KCNQ3: variants seen among roughly 807,000 people sequenced by gnomAD.
The protein encoded by KCNQ3 is potassium voltage-gated channel subfamily KQT member 3.
In KCNQ3, 30 loss-of-function variants were observed where a neutral mutation model predicts 92.5. The observed-to-expected ratio is 0.32, with a 90% CI of 0.24 to 0.44. KCNQ3 has a LOEUF of 0.44. KCNQ3 is among the 20% of genes least tolerant of loss of function. The pLI is 1.00. For synonymous variants in KCNQ3, 450 were observed against 468.8 expected (o/e 0.96, Z 0.52); for missense variants, 913 against 1,140.3 (o/e 0.80, Z 2.87).
At chr8:132,247,059 A>G (rs538215106) in intron 1 of KCNQ3, among the ~76,000 whole-genome samples, 1 of 152,218 alleles carries the variant, frequency 6.6e-6, no homozygotes, top group Non-Finnish European at 1.5e-5. Flanking sequence ...TCTATCAAAG[A>G]CAAGCTGAGG....
Position 132,121,358 on chromosome 8 carries a change from C to G in KCNQ3, c.*7904G>C, listed in dbSNP as rs929450261. ...TTAAAACAAGGAAGGACTGACAAAT[C>G]TGATGAAGTCCACCTATCTTTCTAA... On this transcript the variant is annotated 3_prime_UTR_variant, in exon 15 of 15. Coordinates refer to ENST00000388996, the MANE Select transcript of KCNQ3 (RefSeq NM_004519.4). The G allele has an allele frequency of 6.6e-6, 1 of 152,170 alleles. No individual in the cohort carries two copies. The highest frequency in any genetic ancestry group is 1.5e-5 in the Non-Finnish European group (1 of 68,030). 9.4% of individuals were successfully genotyped at this position (152,170 alleles called of 1,614,324 possible). A position where few individuals can be genotyped will look rare whatever the true frequency, so the allele number is the denominator to read the frequency against.
At chr8:132,479,164 C>A (rs1451571040) in intron 1 of KCNQ3, among the ~76,000 whole-genome samples, 1 of 152,040 alleles carries the variant, frequency 6.6e-6, no homozygotes, top group Non-Finnish European at 1.5e-5. Flanking sequence ...ATGAGGAGCA[C>A]CCCCACCATC....
chr8:132,479,993 C>CACACACACACACACACA, intron 1 of KCNQ3, among the ~76,000 whole-genome samples, 154 bp downstream of exon 1: 6 of 148,534 alleles, frequency 4.0e-5, no homozygotes, highest in South Asian at 2.1e-4. Flanking sequence ...CACACACACA[C>CACACACACACACACACA]CCAGGGAAAC....
In KCNQ3 at chr8:132,141,310, A is replaced by T; in HGVS notation, c.1284T>A (p.Asp428Glu). The change falls in exon 10 of 15, where the codon GAT (aspartate) becomes GAA (glutamate). Residue 428 changes from aspartate (D) to glutamate (E), a missense_variant. Asp to Glu is a conservative substitution (Grantham distance 45, BLOSUM62 2). This residue lies in a region of KCNQ3 where 182 missense variants were observed against 234.5 expected (regional missense o/e 0.78). Transcript: ENST00000388996. Reference sequence around the variant, plus strand: ...CACGAGGATTAGAAAGGCGAACCCGATCCAAGAGACCCAGCTTTTGGCTAC... The same window carrying T: ...CACGAGGATTAGAAAGGCGAACCCGTTCCAAGAGACCCAGCTTTTGGCTAC... Reference protein sequence around the residue: ...AASSQKLGLLDRVRLSNPRGS... With the variant: ...AASSQKLGLLERVRLSNPRGS... 1 of 1,614,198 alleles carries T rather than the reference A, an allele frequency of 6.2e-7. No individual in the cohort carries two copies. The highest frequency in any genetic ancestry group is 8.5e-7 in the Non-Finnish European group (1 of 1,180,046).
At chr8:132,152,400 T>C (rs2130019761) in intron 9 of KCNQ3, among the ~76,000 whole-genome samples, 1 of 152,324 alleles carries the variant, frequency 6.6e-6, no homozygotes, top group African/African-American at 2.4e-5. Context: ...TGAACAAAAT[T>C]TGGAGCATGT....
chr8:132,395,443 C>T (rs1397414062), intron 1 of KCNQ3, among the ~76,000 whole-genome samples: 2 of 152,160 alleles, frequency 1.3e-5, no homozygotes, highest in Non-Finnish European at 2.9e-5. Context: ...AAAGAGATGC[C>T]TTAGAGTCTG....
At chr8:132,319,578 C>T (rs997906549) in intron 1 of KCNQ3, among the ~76,000 whole-genome samples, 9 of 152,162 alleles carry the variant, frequency 5.9e-5, no homozygotes, top group African/African-American at 1.7e-4. Flanking sequence ...CTGCAGACCC[C>T]GAGGTTGGGC....
intron 1 of KCNQ3, among the ~76,000 whole-genome samples, chr8:132,190,062 C>A (rs763108849): frequency 6.6e-6 from 1 of 152,070 alleles, no homozygotes; most frequent in Non-Finnish European, 1.5e-5. Context: ...TCGATCCTGG[C>A]GCTGGAACCC....
At chr8:132,259,293 T>C (rs1815695795) in intron 1 of KCNQ3, among the ~76,000 whole-genome samples, 1 of 152,052 alleles carries the variant, frequency 6.6e-6, no homozygotes, top group South Asian at 2.1e-4. Context: ...AATAAAAAAG[T>C]TTATACAACA....
intron 1 of KCNQ3, among the ~76,000 whole-genome samples, chr8:132,352,646 G>C (rs866937229): frequency 1.6e-4 from 25 of 152,178 alleles, no homozygotes; most frequent in African/African-American, 6.0e-4. Context: ...GATAGCAACA[G>C]TTATGCCAAA....
intron 14 of KCNQ3, 56 bp from the exon 15 acceptor site, chr8:132,130,052 C>G: frequency 6.6e-7 from 1 of 1,521,624 alleles, no homozygotes; most frequent in Non-Finnish European, 9.0e-7. Context: ...GGGATCGTTG[C>G]TATTGGTTGG....
In KCNQ3 at chr8:132,395,949, C is replaced by G. The variant is rs553716579; in HGVS notation, c.386+84198G>C. Among the ~76,000 whole-genome samples, 16 of 152,284 alleles carry G rather than the reference C, an allele frequency of 1.1e-4. No homozygotes were observed. In the East Asian group the frequency reaches 2.9e-3, roughly 28 times the overall value. On this transcript the variant is annotated intron_variant, in intron 1 of 14. Transcript: ENST00000388996. ...GCTAGGCCCTGGCTGTGGTCACAGC[C>G]GGGCCTGAGTTCAGTCCCAGCTCTG...
chr8:132,162,789 C>T (rs186947730), intron 9 of KCNQ3, among the ~76,000 whole-genome samples: 160 of 152,270 alleles, frequency 1.1e-3, no homozygotes, highest in African/African-American at 3.8e-3. Context: ...CAAGTGGCTC[C>T]CCTATAAGGT....
intron 1 of KCNQ3, among the ~76,000 whole-genome samples, chr8:132,379,633 T>C (rs1421275236): frequency 6.6e-6 from 1 of 152,178 alleles, no homozygotes; most frequent in Non-Finnish European, 1.5e-5. Context: ...TGCAAAATAA[T>C]AATATTCCCC....
At chr8:132,196,152 C>G (rs1827292266) in intron 1 of KCNQ3, among the ~76,000 whole-genome samples, 1 of 152,212 alleles carries the variant, frequency 6.6e-6, no homozygotes, top group Admixed American at 6.5e-5. Flanking sequence ...TCTTCTCCAT[C>G]ATATGCTTTC....
intron 6 of KCNQ3, among the ~76,000 whole-genome samples, chr8:132,173,716 C>T (rs62519573): frequency 0.16 from 24,857 of 152,096 alleles, 2,358 homozygotes; most frequent in African/African-American, 0.24. Flanking sequence ...TTATTACGTA[C>T]CTGGACACTG....
At chr8:132,369,381 T>C (rs1819409070) in intron 1 of KCNQ3, among the ~76,000 whole-genome samples, 1 of 152,160 alleles carries the variant, frequency 6.6e-6, no homozygotes, top group African/African-American at 2.4e-5. Flanking sequence ...ATAAATTGTT[T>C]GAAATTCTTC....
At chr8:132,301,930 C>G (rs771302363) in intron 1 of KCNQ3, among the ~76,000 whole-genome samples, 1 of 152,128 alleles carries the variant, frequency 6.6e-6, no homozygotes, top group African/African-American at 2.4e-5. Context: ...ATTATAATAG[C>G]AAGCAGTAAA....
At chr8:132,138,218 A>G (rs1563767346) in intron 11 of KCNQ3, among the ~76,000 whole-genome samples, 1 of 152,224 alleles carries the variant, frequency 6.6e-6, no homozygotes, top group Non-Finnish European at 1.5e-5. Flanking sequence ...ACTCCCTTCA[A>G]TCATTTGAAT....
Sources: gnomAD v4.1 joint callset for allele counts (sites outside exome capture counted in the v4.1 genomes callset) on GRCh38, gnomAD v4.1.1 for gene constraint, gnomAD v4.1.1 regional missense constraint, MANE v1.5 for transcripts, NCBI Gene and HGNC (gene_info 2026-07-23, HGNC 2026-07-21) for gene names.